SERINC5: variants seen among roughly 807,000 people sequenced by gnomAD.
SERINC5 encodes chromosome 5 open reading frame 12.
In SERINC5, 41 loss-of-function variants were observed where a neutral mutation model predicts 63.1. The ratio of observed to expected loss-of-function variants is 0.65; its 90% CI spans 0.51 to 0.84. The LOEUF is 0.84. Ranked by LOEUF, SERINC5 falls within the 40% of genes least tolerant of loss-of-function variation. The pLI is 0.00. For synonymous variants in SERINC5, 222 were observed against 215.2 expected (o/e 1.03, Z -0.28); for missense variants, 523 against 573.0 (o/e 0.91, Z 0.89).
chr5:80,198,413 C>T (rs1419069060), intron 2 of SERINC5: 1 of 520,824 alleles, frequency 1.9e-6, no homozygotes, highest in Admixed American at 6.4e-5. Context: ...CTTACTCAAA[C>T]TTAAACACAG....
chr5:80,201,996 G>C (rs1749866530), intron 2 of SERINC5, among the ~76,000 whole-genome samples: 1 of 152,146 alleles, frequency 6.6e-6, no homozygotes, highest in South Asian at 2.1e-4. Flanking sequence ...CAGCACTTTT[G>C]GGAGGCCAAG....
At chr5:80,120,709 G>T (rs1744507793) in intron 11 of SERINC5, among the ~76,000 whole-genome samples, 1 of 151,972 alleles carries the variant, frequency 6.6e-6, no homozygotes, top group South Asian at 2.1e-4. Flanking sequence ...CAGCTATTCG[G>T]GTGGCTGAGG....
chr5:80,208,095 AC>A (rs1337428555), intron 1 of SERINC5, among the ~76,000 whole-genome samples: 1 of 152,152 alleles, frequency 6.6e-6, no homozygotes, highest in Non-Finnish European at 1.5e-5. Context: ...GGGTTTCGTT[AC>A]CCCTGGCTCC....
intron 11 of SERINC5, among the ~76,000 whole-genome samples, chr5:80,126,084 T>C (rs1260420156): frequency 6.6e-6 from 1 of 152,148 alleles, no homozygotes; most frequent in Non-Finnish European, 1.5e-5. Context: ...AAGAGTACTT[T>C]GGAGTCATTA....
chr5:80,187,614 A>G (rs577479980), intron 2 of SERINC5, among the ~76,000 whole-genome samples: 29 of 152,340 alleles, frequency 1.9e-4, no homozygotes, highest in Admixed American at 1.3e-3. Flanking sequence ...ATCTGGGGCT[A>G]TTTAATAAAC....
chr5:80,165,575 C>T lies in SERINC5; in HGVS notation c.859+808G>A, dbSNP rs192872942. On this transcript the variant is annotated intron_variant, in intron 7 of 11. Coordinates refer to ENST00000507668, the MANE Select transcript of SERINC5 (RefSeq NM_001174072.3). ...GGATCAGTCTATAAACCAGGCAGTC[C>T]GACTTCAAAGCTCATGCTCTAATCA... is the stretch of plus-strand genomic sequence containing the variant. Among the ~76,000 whole-genome samples the T allele has an allele frequency of 5.9e-5, 9 of 152,194 alleles. No individual in the cohort carries two copies. The East Asian group carries it at 7.7e-4, about 13-fold the overall frequency.
chr5:80,188,071 TCAGGAGTTCGAGA>T (rs1030131712), intron 2 of SERINC5, among the ~76,000 whole-genome samples: 1 of 151,906 alleles, frequency 6.6e-6, no homozygotes, highest in African/African-American at 2.4e-5. Context: ...GATCATGAGG[TCAGGAGTTCGAGA>T]CCAGCCTGGC....
intron 1 of SERINC5, among the ~76,000 whole-genome samples, chr5:80,247,117 T>C (rs555968405): frequency 6.6e-6 from 1 of 152,352 alleles, no homozygotes; most frequent in African/African-American, 2.4e-5. Flanking sequence ...TTACATCCAA[T>C]GGCTAGTTCT....
chr5:80,167,457 G>C (rs954982171), intron 6 of SERINC5, among the ~76,000 whole-genome samples: 7 of 152,136 alleles, frequency 4.6e-5, no homozygotes, highest in African/African-American at 1.2e-4. Flanking sequence ...ATTCCATAGT[G>C]TATATGTACC....
chr5:80,141,226 C>A lies in SERINC5; in HGVS notation c.*2437G>T, dbSNP rs1745485367. 5 of 985,334 alleles carry A rather than the reference C, an allele frequency of 5.1e-6. No homozygotes were observed. The highest frequency in any genetic ancestry group is 1.7e-5 in the African/African-American group (1 of 57,222). The allele number at this position is 985,334 out of a possible 1,614,324, so 61.0% of individuals were successfully genotyped here. ...AATAAAATTCAGAGCAACTGTAACT[C>A]TTCCTCTTGCATCAGACCAACCGGC... On this transcript the variant is annotated 3_prime_UTR_variant, in exon 12 of 12. Coordinates refer to ENST00000507668, the MANE Select transcript of SERINC5 (RefSeq NM_001174072.3).
At chr5:80,249,066 G>A (rs1041892138) in intron 1 of SERINC5, among the ~76,000 whole-genome samples, 1 of 152,282 alleles carries the variant, frequency 6.6e-6, no homozygotes, top group Admixed American at 6.5e-5. Flanking sequence ...TGTAATCCCA[G>A]CACTTTGGGA....
intron 1 of SERINC5, among the ~76,000 whole-genome samples, chr5:80,231,768 A>G (rs544611314): frequency 1.3e-5 from 2 of 152,294 alleles, no homozygotes; most frequent in East Asian, 1.9e-4. Flanking sequence ...ATGCAAAACA[A>G]TGAAGTTGGA....
chr5:80,169,443 A>G lies in SERINC5; in HGVS notation c.655T>C (p.Phe219Leu). The G allele has an allele frequency of 6.2e-7, 1 of 1,613,948 alleles. No individual in the cohort carries two copies. The highest frequency in any genetic ancestry group is 8.5e-7 in the Non-Finnish European group (1 of 1,179,848). Residue 219 changes from phenylalanine to leucine, a missense_variant, in exon 6 of 12, where the codon TTT becomes CTT. Coordinates refer to ENST00000507668, the MANE Select transcript of SERINC5 (RefSeq NM_001174072.3). ...ATGCAGCTGTCTTTCTGTGTATAAAACACTGCCATCAAAACCAAGCCTCCA... is the reference window on the plus strand; with the variant it reads ...ATGCAGCTGTCTTTCTGTGTATAAAGCACTGCCATCAAAACCAAGCCTCCA... ...ATGGLVLMAV[F>L]YTQKDSCMEN...
At chr5:80,249,222 G>A (rs1752291941) in intron 1 of SERINC5, among the ~76,000 whole-genome samples, 1 of 152,116 alleles carries the variant, frequency 6.6e-6, no homozygotes, top group African/African-American at 2.4e-5. Flanking sequence ...GGCTGAGGCG[G>A]GAGAATGGTG....
At chr5:80,173,225 AGAAG>A (rs58622143) in intron 5 of SERINC5, among the ~76,000 whole-genome samples, 62,026 of 137,376 alleles carry the variant, frequency 0.45, 15,118 homozygotes, top group Non-Finnish European at 0.54. Context: ...CAGGAAGGAA[AGAAG>A]GAAGGAAGGA....
chr5:80,125,331 C>A (rs80137619), intron 11 of SERINC5, among the ~76,000 whole-genome samples: 1 of 152,164 alleles, frequency 6.6e-6, no homozygotes, highest in Non-Finnish European at 1.5e-5. Context: ...AGAGGCTGGG[C>A]AGAGGATCAG....
rs1201926193 is a variant in SERINC5 at position 80,143,526 on chromosome 5, G to A, written c.*137C>T. On this transcript the variant is annotated 3_prime_UTR_variant, in exon 12 of 12. Transcript: ENST00000507668. ...TTCAAAAGTAAAAAGCTAATCAGGA[G>A]ATTTTTTTTTTTCTCTCTCAAAGCT... 1 of 1,372,208 alleles carries A rather than the reference G, an allele frequency of 7.3e-7. No homozygotes were observed. The highest frequency in any genetic ancestry group is 2.6e-5 in the East Asian group (1 of 38,014). 85.0% of individuals were successfully genotyped at this position (1,372,208 alleles called of 1,614,324 possible). A position where few individuals can be genotyped will look rare whatever the true frequency, so the allele number is the denominator to read the frequency against.
rs372530260 is a variant in SERINC5, at chr5:80,139,593, GAAA to G, written c.*4067_*4069del. The stretch of plus-strand genomic sequence containing the variant: ...CTGTGAAAGAGTTGTTGAGAAAGAA[GAAA>G]AGAGAGAGAGAGAGAAAGGTCTAAA... On this transcript the variant is annotated 3_prime_UTR_variant, in exon 12 of 12. Transcript: ENST00000507668. 5 of 527,166 alleles carry G rather than the reference GAAA, an allele frequency of 9.5e-6. No homozygotes were observed. The highest frequency in any genetic ancestry group is 1.2e-4 in the African/African-American group (2 of 16,346). The allele number at this position is 527,166 out of a possible 1,614,324, so 32.7% of individuals were successfully genotyped here.
At position 80,217,558 on chromosome 5, in the gene SERINC5, G is replaced by A. The variant is rs549226342; in HGVS notation, c.28-14505C>T. Among the ~76,000 whole-genome samples the A allele has an allele frequency of 4.6e-5, 7 of 152,274 alleles. No homozygotes were observed. The East Asian group carries it at 5.8e-4, about 13-fold the overall frequency. Reference sequence around the variant, plus strand: ...GCACCAGAAGCTTCAAGAGTTTAGCGGCGAGTGAGCTCTTCTCCCCACCAA... The same window carrying A: ...GCACCAGAAGCTTCAAGAGTTTAGCAGCGAGTGAGCTCTTCTCCCCACCAA... On this transcript the variant is annotated intron_variant, in intron 1 of 11. Transcript: ENST00000507668.
Sources: gnomAD v4.1 joint callset for allele counts (sites outside exome capture counted in the v4.1 genomes callset) on GRCh38, gnomAD v4.1.1 for gene constraint, MANE v1.5 for transcripts, NCBI Gene and HGNC (gene_info 2026-07-23, HGNC 2026-07-21) for gene names.